EDNRB: variants seen among roughly 807,000 people sequenced by gnomAD.
EDNRB encodes endothelin receptor type B, also known as Hirschsprung disease 2.
Under a neutral mutation model 46.4 loss-of-function variants are expected in EDNRB, and 18 were observed. That is an observed-to-expected ratio of 0.39 (90% confidence interval 0.27 to 0.57). The LOEUF is 0.57. Ranked by LOEUF, EDNRB falls within the 20% of genes least tolerant of loss-of-function variation. The pLI is 0.61. For synonymous variants in EDNRB, 213 were observed against 204.9 expected, an observed-to-expected ratio of 1.04 and a Z score of -0.34; for missense variants, 434 against 537.5, an observed-to-expected ratio of 0.81 and a Z score of 1.90.
chr13:77,923,563 G>T (rs1167858597), upstream of EDNRB, among the ~76,000 whole-genome samples: 1 of 152,134 alleles, frequency 6.6e-6, no homozygotes, highest in African/African-American at 2.4e-5. Flanking sequence ...ACTCTTTGGG[G>T]AGTTGTTATT....
intron 1 of EDNRB, among the ~76,000 whole-genome samples, chr13:77,952,426 A>G (rs1407050622): frequency 6.6e-6 from 1 of 152,148 alleles, no homozygotes; most frequent in Non-Finnish European, 1.5e-5. Context: ...TGTTTAATAA[A>G]CATTATTAGT....
At chr13:77,926,496 G>A (rs1313674133) in intron 1 of EDNRB, among the ~76,000 whole-genome samples, 1 of 152,106 alleles carries the variant, frequency 6.6e-6, no homozygotes, top group East Asian at 1.9e-4. Context: ...AAAATATAAT[G>A]AGAGTCACCT....
chr13:77,903,127 G>C, intron 3 of EDNRB, 29 bp downstream of exon 3: 1 of 1,609,568 alleles, frequency 6.2e-7, no homozygotes, highest in East Asian at 2.2e-5. Context: ...GGCAAGAGCA[G>C]AAAGGAAAAT....
At chr13:77,944,466 G>GT (rs59140390) in intron 1 of EDNRB, among the ~76,000 whole-genome samples, 91 of 150,026 alleles carry the variant, frequency 6.1e-4, no homozygotes, top group African/African-American at 1.0e-3. Flanking sequence ...ATATTTACAA[G>GT]TTTTTTTTTT....
intron 1 of EDNRB, among the ~76,000 whole-genome samples, chr13:77,943,275 T>G (rs1024811245): frequency 3.0e-4 from 45 of 152,142 alleles, no homozygotes; most frequent in African/African-American, 9.4e-4. Context: ...CTCATCCTGT[T>G]AAATGCTCAC....
chr13:77,912,444 TCTG>T (rs1265957525), intron 1 of EDNRB, among the ~76,000 whole-genome samples: 1 of 152,142 alleles, frequency 6.6e-6, no homozygotes, highest in African/African-American at 2.4e-5. Flanking sequence ...TGATTTGAAT[TCTG>T]CTATCAACCT....
chr13:77,944,603 G>A (rs12720141), intron 1 of EDNRB, among the ~76,000 whole-genome samples: 730 of 152,056 alleles, frequency 4.8e-3, no homozygotes, highest in African/African-American at 0.015. Context: ...TAATAGAGGC[G>A]TACATAAAGA....
At chr13:77,934,521 C>A (rs1013286889) in intron 1 of EDNRB, among the ~76,000 whole-genome samples, 1 of 152,054 alleles carries the variant, frequency 6.6e-6, no homozygotes, top group Non-Finnish European at 1.5e-5. Flanking sequence ...GAAATGACCA[C>A]GGTGACCTTC....
At chr13:77,967,113 GAAT>G (rs1419963137) in intron 1 of EDNRB, among the ~76,000 whole-genome samples, 1 of 152,104 alleles carries the variant, frequency 6.6e-6, no homozygotes, top group Non-Finnish European at 1.5e-5. Context: ...AGAGAAGACT[GAAT>G]AATAATATTT....
chr13:77,927,110 A>G (rs1880260307), intron 1 of EDNRB, among the ~76,000 whole-genome samples: 1 of 152,202 alleles, frequency 6.6e-6, no homozygotes, highest in Non-Finnish European at 1.5e-5. Flanking sequence ...GAGGCAAACC[A>G]TATCAGTATA....
chr13:77,918,198 TA>T lies in EDNRB; in HGVS notation c.375del (p.Ile126SerfsTer14). 1 of 1,614,124 alleles carries T rather than the reference TA, an allele frequency of 6.2e-7. No individual in the cohort carries two copies. Among genetic ancestry groups the T allele is most frequent in the Non-Finnish European group, 8.5e-7 (1 of 1,180,016 alleles). On this transcript the variant is annotated frameshift_variant, in exon 1 of 7. Transcript: ENST00000646607. LOFTEE classifies it high-confidence loss of function. The surrounding 1 kb of genome is among the most constrained non-coding windows in gnomAD (Gnocchi z 4.5). ...GIIGNSTLLR[I>X]IYKNKCMRNG... ...TTTCGCATGCACTTGTTCTTGTAGA[TA>T]ATTCTCAGAAGTGTGGAGTTCCCGA...
At chr13:77,934,131 A>G (rs1751868750) in intron 1 of EDNRB, among the ~76,000 whole-genome samples, 1 of 152,186 alleles carries the variant, frequency 6.6e-6, no homozygotes, top group Admixed American at 6.5e-5. Context: ...TGTAATCAAG[A>G]GCAGGGCATG....
Position 77,898,130 on chromosome 13 carries a change from A to G in EDNRB, c.*70T>C. ...CATAGTTTTTTGTTTTGTTTTGGCA[A>G]ATGTTTCATTTTGTTTTAATGACTT... On this transcript the variant is annotated 3_prime_UTR_variant, in exon 7 of 7. Coordinates refer to ENST00000646607, the MANE Select transcript of EDNRB (RefSeq NM_001122659.3). 2 of 1,579,426 alleles carry G rather than the reference A, an allele frequency of 1.3e-6. No homozygotes were observed. Among genetic ancestry groups the G allele is most frequent in the Non-Finnish European group, 1.7e-6 (2 of 1,162,012 alleles).
At chr13:77,933,726 T>C (rs1398037536) in intron 1 of EDNRB, among the ~76,000 whole-genome samples, 1 of 152,042 alleles carries the variant, frequency 6.6e-6, no homozygotes, top group Non-Finnish European at 1.5e-5. Flanking sequence ...GGAGAGATAA[T>C]GGGCGATGTT....
At chr13:77,899,807 T>C in intron 6 of EDNRB, 52 bp downstream of exon 6, 1 of 1,373,218 alleles carries the variant, frequency 7.3e-7, no homozygotes, top group Non-Finnish European at 1.0e-6. Context: ...TTTTGAAAGC[T>C]TATATTTGAG....
intron 1 of EDNRB, among the ~76,000 whole-genome samples, chr13:77,951,107 A>G (rs570195560): frequency 5.4e-4 from 82 of 152,292 alleles, no homozygotes; most frequent in African/African-American, 1.9e-3. Context: ...CACAACATGG[A>G]CTTTGACAAA....
rs755729540 is a variant in EDNRB at position 77,896,604 on chromosome 13, C to T, written c.*1596G>A. 1.0e-5 allele frequency: 16 copies of T among 1,538,384 alleles called. No homozygotes were observed. The highest frequency in any genetic ancestry group is 2.1e-4 in the Middle Eastern group (1 of 4,874). ...TAAAAATTTGGGCATATTTTAAGACCGAGTTAAAGCTCTTGGGCCCAATTT... is the reference window on the plus strand; with the variant it reads ...TAAAAATTTGGGCATATTTTAAGACTGAGTTAAAGCTCTTGGGCCCAATTT... On this transcript the variant is annotated 3_prime_UTR_variant, in exon 7 of 7. Coordinates refer to ENST00000646607, the MANE Select transcript of EDNRB (RefSeq NM_001122659.3).
chr13:77,932,657 A>G (rs1480583175), intron 1 of EDNRB, among the ~76,000 whole-genome samples: 1 of 152,222 alleles, frequency 6.6e-6, no homozygotes, highest in Non-Finnish European at 1.5e-5. Context: ...TTGAAATTGC[A>G]TGTGTATGTC....
At chr13:77,942,736 T>C (rs1367774474) in intron 1 of EDNRB, among the ~76,000 whole-genome samples, 3 of 152,210 alleles carry the variant, frequency 2.0e-5, no homozygotes, top group Non-Finnish European at 4.4e-5. Context: ...TAAAAATATC[T>C]ATATGACTCA....
Sources: allele counts gnomAD v4.1 joint callset (sites outside exome capture counted in the v4.1 genomes callset), GRCh38; gene constraint gnomAD v4.1.1; non-coding constraint Gnocchi (gnomAD v3.1); transcripts MANE v1.5; gene names NCBI Gene and HGNC (gene_info 2026-07-23, HGNC 2026-07-21).